Variants in ELFN2 observed in about 807,000 individuals in gnomAD.
The protein encoded by ELFN2 is extracellular leucine rich repeat and fibronectin type III domain containing 2, also known as protein phosphatase 1 regulatory subunit 29.
Under a neutral mutation model 45.5 loss-of-function variants are expected in ELFN2, and 17 were observed. That is an observed-to-expected ratio of 0.37 (90% CI 0.26 to 0.56). The LOEUF (loss-of-function observed/expected upper bound fraction) is 0.56, where lower values mean the gene tolerates loss of function less well. Ranked by LOEUF, ELFN2 falls within the 20% of genes least tolerant of loss-of-function variation. The pLI, the probability that ELFN2 is intolerant of heterozygous loss-of-function variation, is 0.77. For synonymous variants in ELFN2, 550 were observed against 551.5 expected (o/e 1.00, Z 0.04); for missense variants, 922 against 1,183.2 (o/e 0.78, Z 3.24).
intron 2 of ELFN2, among the ~76,000 whole-genome samples, chr22:37,380,815 C>A (rs1320591827): frequency 6.6e-6 from 1 of 152,182 alleles, no homozygotes; most frequent in African/African-American, 2.4e-5. Flanking sequence ...CCTGCCACCC[C>A]CCGGGGAAGA....
At chr22:37,358,231 C>T (rs1305852661) in intron 1 of ELFN2, among the ~76,000 whole-genome samples, 1 of 152,140 alleles carries the variant, frequency 6.6e-6, no homozygotes, top group East Asian at 1.9e-4. Context: ...CTTTGTCACT[C>T]CGTGAACCTA....
Position 37,372,953 on chromosome 22 carries a change from T to C in ELFN2, c.*119A>G. On this transcript the variant is annotated 3_prime_UTR_variant, in exon 3 of 3. Coordinates refer to ENST00000402918, the MANE Select transcript of ELFN2 (RefSeq NM_052906.5). This position sits in a 1 kb window ranked among gnomAD's most constrained non-coding sequence, Gnocchi z 4.4. ...GTGCGTGCGTGCGTGCGGGTCTGCA[T>C]GTGCGTCCTCTCCTGGGCCTTGGCC... The C allele has an allele frequency of 8.4e-7, 1 of 1,192,946 alleles. No homozygotes were observed. Among genetic ancestry groups the C allele is most frequent in the Non-Finnish European group, 1.1e-6 (1 of 874,306 alleles). The allele number at this position is 1,192,946 out of a possible 1,614,324, so 73.9% of individuals were successfully genotyped here.
Position 37,375,557 on chromosome 22 carries a change from G to A in ELFN2, c.-23C>T, listed in dbSNP as rs1342370744. 6.6e-7 allele frequency: 1 copy of A among 1,522,262 alleles called. No individual in the cohort carries two copies. The highest frequency in any genetic ancestry group is 2.1e-5 in the Admixed American group (1 of 47,744). 94.3% of individuals were successfully genotyped at this position (1,522,262 alleles called of 1,614,324 possible). On this transcript the variant is annotated 5_prime_UTR_variant, in exon 3 of 3. Transcript: ENST00000402918. ...CATGGCGCTGGCCTCGGAGTGAGGGGCCAGGGCAAGGCAGGGGGTGCCTAG... is the reference window on the plus strand; with the variant it reads ...CATGGCGCTGGCCTCGGAGTGAGGGACCAGGGCAAGGCAGGGGGTGCCTAG...
exon 2 of ELFN2, chr22:37,342,677 G>A (rs1930590746): frequency 6.6e-6 from 1 of 152,170 alleles, no homozygotes; most frequent in Admixed American, 6.5e-5. Context: ...TTTTTCACAA[G>A]TGATTACTGG....
At chr22:37,366,248 T>C (rs1931204030), downstream of ELFN2, among the ~76,000 whole-genome samples, 1 of 152,208 alleles carries the variant, frequency 6.6e-6, no homozygotes, top group Admixed American at 6.5e-5. Context: ...CACTTCTGAG[T>C]TGAAATGAAA....
At chr22:37,365,991 G>A (rs938955956), downstream of ELFN2, among the ~76,000 whole-genome samples, 2 of 152,248 alleles carry the variant, frequency 1.3e-5, no homozygotes, top group Non-Finnish European at 2.9e-5. Flanking sequence ...CATTAATTCA[G>A]AATTGGGGTT....
chr22:37,357,812 A>T (rs2145619338), intron 1 of ELFN2, among the ~76,000 whole-genome samples: 1 of 152,272 alleles, frequency 6.6e-6, no homozygotes, highest in South Asian at 2.1e-4. Flanking sequence ...GGTGAGAATG[A>T]TACCCACTGA....
At chr22:37,393,077 G>A (rs941121478) in intron 2 of ELFN2, among the ~76,000 whole-genome samples, 3 of 152,144 alleles carry the variant, frequency 2.0e-5, no homozygotes, top group Non-Finnish European at 2.9e-5. Context: ...CCCAGGCCCC[G>A]GGGCTAGCAG....
At chr22:37,346,643 CCT>C (rs1930702577) in intron 1 of ELFN2, among the ~76,000 whole-genome samples, 1 of 152,126 alleles carries the variant, frequency 6.6e-6, no homozygotes, top group Non-Finnish European at 1.5e-5. Flanking sequence ...ATTCCTCTGC[CCT>C]TGGCTGGAAG....
intron 2 of ELFN2, among the ~76,000 whole-genome samples, chr22:37,403,186 C>T (rs1359192569): frequency 7.1e-6 from 1 of 141,692 alleles, no homozygotes; most frequent in East Asian, 2.4e-4. Flanking sequence ...GATGCCCCTC[C>T]CCCCACCCCC....
At chr22:37,400,902 T>C (rs901183123) in intron 2 of ELFN2, among the ~76,000 whole-genome samples, 1 of 152,380 alleles carries the variant, frequency 6.6e-6, no homozygotes, top group East Asian at 1.9e-4. Flanking sequence ...AATCCCTAAG[T>C]GGCGAAAACG....
At chr22:37,366,641 G>T (rs1448932671), downstream of ELFN2, among the ~76,000 whole-genome samples, 1 of 152,238 alleles carries the variant, frequency 6.6e-6, no homozygotes, top group Non-Finnish European at 1.5e-5. Context: ...GGCCTGAGGG[G>T]ACAGAGCCTG....
chr22:37,412,082 G>T (rs4645084), intron 2 of ELFN2, among the ~76,000 whole-genome samples: 1 of 151,628 alleles, frequency 6.6e-6, no homozygotes, highest in African/African-American at 2.4e-5. Flanking sequence ...TGTACACTCA[G>T]GCCTGTAATC....
chr22:37,379,013 G>A (rs770382857), intron 2 of ELFN2, among the ~76,000 whole-genome samples: 2 of 152,214 alleles, frequency 1.3e-5, no homozygotes, highest in African/African-American at 2.4e-5. Context: ...CAGCAGGGGG[G>A]ACAGGGCAGC....
At chr22:37,381,292 C>T (rs1040374619) in intron 2 of ELFN2, among the ~76,000 whole-genome samples, 1 of 144,466 alleles carries the variant, frequency 6.9e-6, no homozygotes, top group African/African-American at 2.6e-5. Flanking sequence ...GGGACATGCA[C>T]TGAGCCAGTC....
rs372790138 is a variant in ELFN2 at position 37,375,531 on chromosome 22, G to A, written c.4C>T (p.Leu2=). 1 of 1,548,830 alleles carries A rather than the reference G, an allele frequency of 6.5e-7. No homozygotes were observed. The highest frequency in any genetic ancestry group is 8.7e-7 in the Non-Finnish European group (1 of 1,146,454). Residue 2 remains leucine (L), a synonymous_variant, in exon 3 of 3, where the codon CTG becomes TTG. Coordinates refer to ENST00000402918, the MANE Select transcript of ELFN2 (RefSeq NM_052906.5). M[L]RLGLCAAALL... ...GCCGCCGCGCACAGCCCCAGGCGCA[G>A]CATGGCGCTGGCCTCGGAGTGAGGG... is the stretch of plus-strand genomic sequence containing the variant.
downstream of ELFN2, among the ~76,000 whole-genome samples, chr22:37,365,402 C>A (rs1931181579): frequency 1.3e-5 from 2 of 152,186 alleles, no homozygotes; most frequent in Non-Finnish European, 2.9e-5. Flanking sequence ...TCAAACCAAG[C>A]CCCAGCAGAG....
downstream of ELFN2, among the ~76,000 whole-genome samples, chr22:37,365,539 C>T (rs907684367): frequency 1.3e-5 from 2 of 152,008 alleles, no homozygotes; most frequent in African/African-American, 4.8e-5. Flanking sequence ...GTTTGAGTTA[C>T]AGATATCTTG....
chr22:37,397,954 G>C (rs576340801), intron 2 of ELFN2, among the ~76,000 whole-genome samples: 1 of 152,158 alleles, frequency 6.6e-6, no homozygotes, highest in Non-Finnish European at 1.5e-5. Context: ...CTGAGCGGAC[G>C]TCTGCACTGG....
Sources: gnomAD v4.1 joint callset for allele counts (sites outside exome capture counted in the v4.1 genomes callset) on GRCh38, gnomAD v4.1.1 for gene constraint, Gnocchi (gnomAD v3.1) non-coding constraint, MANE v1.5 for transcripts, NCBI Gene and HGNC (gene_info 2026-07-23, HGNC 2026-07-21) for gene names.